CDH19: variants seen among roughly 807,000 people sequenced by gnomAD.
CDH19 encodes the protein cadherin 19.
Under a neutral mutation model 64.2 loss-of-function variants are expected in CDH19, and 67 were observed. That is an observed-to-expected ratio of 1.04 (90% CI 0.86 to 1.28). CDH19 has a LOEUF of 1.28. Ranked by LOEUF, CDH19 falls within the 50% of genes most tolerant of loss-of-function variation. The pLI is 0.00. For synonymous variants in CDH19, 346 were observed against 319.3 expected (o/e 1.08, Z -0.89); for missense variants, 1,030 against 929.0 (o/e 1.11, Z -1.41).
chr18:66,550,307 T>A (rs1188113214), intron 5 of CDH19, among the ~76,000 whole-genome samples: 1 of 152,126 alleles, frequency 6.6e-6, no homozygotes, highest in Non-Finnish European at 1.5e-5. Flanking sequence ...GCTTAAATTA[T>A]TAGAGCAGGT....
chr18:66,556,361 G>T (rs1420355527), intron 3 of CDH19, among the ~76,000 whole-genome samples: 1 of 151,560 alleles, frequency 6.6e-6, no homozygotes, highest in Non-Finnish European at 1.5e-5. Context: ...TTGTACATTA[G>T]ATCTCTAGAT....
intron 5 of CDH19, among the ~76,000 whole-genome samples, 171 bp from the exon 6 acceptor site, chr18:66,545,074 G>A (rs1008348733): frequency 7.2e-5 from 11 of 152,096 alleles, no homozygotes; most frequent in Admixed American, 7.2e-4. Flanking sequence ...TGCCTCCTGG[G>A]TTCATGCCAT....
At chr18:66,564,187 T>C (rs1987822181) in intron 3 of CDH19, among the ~76,000 whole-genome samples, 1 of 151,924 alleles carries the variant, frequency 6.6e-6, no homozygotes, top group African/African-American at 2.4e-5. Context: ...TGACATATTG[T>C]ACCATATTGT....
At chr18:66,567,170 C>T (rs1987941423) in intron 3 of CDH19, among the ~76,000 whole-genome samples, 1 of 151,794 alleles carries the variant, frequency 6.6e-6, no homozygotes, top group Non-Finnish European at 1.5e-5. Context: ...CAGGTAACTC[C>T]TTTATCTCCT....
Position 66,505,060 on chromosome 18 carries a change from C to A in CDH19, c.2071G>T (p.Asp691Tyr), listed in dbSNP as rs533652186. ...LYRQSLQVGP[D>Y]SAIFRKFILE... ...ATGAATTTCCTGAATATGGCACTGT[C>A]GGGGCCAACTTGCAAAGACTGCCTG... The change falls in exon 12 of 12, where the codon GAC becomes TAC. Residue 691 changes from aspartate to tyrosine, a missense_variant. Transcript: ENST00000262150. 3.7e-6 allele frequency: 6 copies of A among 1,613,682 alleles called. No individual in the cohort carries two copies. In the East Asian group the frequency reaches 1.3e-4, roughly 36 times the overall value.
Position 66,502,751 on chromosome 18 carries a change from T to C in CDH19, c.*2061A>G, listed in dbSNP as rs1985000475. 1 of 151,910 alleles carries C rather than the reference T, an allele frequency of 6.6e-6. No homozygotes were observed. Among genetic ancestry groups the C allele is most frequent in the Non-Finnish European group, 1.5e-5 (1 of 67,870 alleles). The allele number at this position is 151,910 out of a possible 1,614,324, so 9.4% of individuals were successfully genotyped here. ...CTCCTTTAAATTTTCTCTTGTTTGG[T>C]ATTTTTCCTCTTTCCTAATAATGGT... On this transcript the variant is annotated 3_prime_UTR_variant, in exon 12 of 12. Coordinates refer to ENST00000262150, the MANE Select transcript of CDH19 (RefSeq NM_021153.4).
At position 66,603,876 on chromosome 18, in the gene CDH19, G is replaced by A. The variant is rs565635769; in HGVS notation, c.-113+78C>T. On this transcript the variant is annotated intron_variant, in intron 1 of 11. Coordinates refer to ENST00000262150, the MANE Select transcript of CDH19 (RefSeq NM_021153.4). ...TAGAATATTTTCCTAGCAACATTTTGTCATGTACTTTTTGACCTATTGACT... is the reference window on the plus strand; with the variant it reads ...TAGAATATTTTCCTAGCAACATTTTATCATGTACTTTTTGACCTATTGACT... 2.0e-5 allele frequency: 3 copies of A among 151,968 alleles called. No individual in the cohort carries two copies. The South Asian group carries it at 6.3e-4, about 32-fold the overall frequency. The allele number at this position is 151,968 out of a possible 1,614,324, so 9.4% of individuals were successfully genotyped here. A position where few individuals can be genotyped will look rare whatever the true frequency, so the allele number is the denominator to read the frequency against.
chr18:66,548,259 A>T (rs796974928), intron 5 of CDH19, among the ~76,000 whole-genome samples: 2,457 of 42,590 alleles, frequency 0.058, 55 homozygotes, highest in African/African-American at 0.15. Flanking sequence ...ATATATATAT[A>T]TATTTTTTTA....
intron 3 of CDH19, among the ~76,000 whole-genome samples, chr18:66,560,349 G>T (rs1987675440): frequency 6.6e-6 from 1 of 151,806 alleles, no homozygotes; most frequent in Non-Finnish European, 1.5e-5. Flanking sequence ...ATTCTGCAAG[G>T]TCAGCTTGAT....
chr18:66,527,352 C>CATATTAT (rs991073030), intron 9 of CDH19, among the ~76,000 whole-genome samples: 1 of 151,858 alleles, frequency 6.6e-6, no homozygotes, highest in Non-Finnish European at 1.5e-5. Flanking sequence ...GAATACTTTT[C>CATATTAT]ATATTATAAT....
intron 5 of CDH19, among the ~76,000 whole-genome samples, chr18:66,546,238 G>T (rs1042906659): frequency 4.6e-5 from 7 of 152,212 alleles, no homozygotes; most frequent in Admixed American, 3.3e-4. Context: ...AGTGGAATAA[G>T]TGTTAATTTT....
chr18:66,571,150 C>A (rs1292355482), intron 2 of CDH19, among the ~76,000 whole-genome samples: 1 of 151,384 alleles, frequency 6.6e-6, no homozygotes, highest in Non-Finnish European at 1.5e-5. Flanking sequence ...TTTGGAAATA[C>A]TTGCCTAAAA....
At chr18:66,548,252 T>TTTA (rs1987207084) in intron 5 of CDH19, among the ~76,000 whole-genome samples, 1 of 88,012 alleles carries the variant, frequency 1.1e-5, no homozygotes, top group African/African-American at 5.5e-5. Flanking sequence ...CCTTTATATA[T>TTTA]ATATATATAT....
chr18:66,549,527 C>G (rs1987260888), intron 5 of CDH19, among the ~76,000 whole-genome samples: 1 of 152,062 alleles, frequency 6.6e-6, no homozygotes, highest in Admixed American at 6.6e-5. Flanking sequence ...TCATATACAT[C>G]ATATGTGACA....
At chr18:66,547,665 T>TAAATGTGTAATATATATGTGTATTATATA (rs1568191355) in intron 5 of CDH19, among the ~76,000 whole-genome samples, 1 of 133,578 alleles carries the variant, frequency 7.5e-6, no homozygotes, top group African/African-American at 2.9e-5. Flanking sequence ...TGTTAGGTTT[T>TAAATGTGTAATATATATGTGTATTATATA]TTTTTTTTTT....
At chr18:66,507,427 A>G (rs951224583) in intron 11 of CDH19, among the ~76,000 whole-genome samples, 15 of 151,958 alleles carry the variant, frequency 9.9e-5, no homozygotes, top group African/African-American at 3.6e-4. Flanking sequence ...TCACTCTTCA[A>G]TGTAGTTTCA....
chr18:66,539,240 T>C (rs1986793580), intron 7 of CDH19, among the ~76,000 whole-genome samples: 1 of 152,182 alleles, frequency 6.6e-6, no homozygotes, highest in Non-Finnish European at 1.5e-5. Context: ...CTATATTATT[T>C]CTCTCCAGCT....
At chr18:66,576,277 CTA>C (rs1988263782) in intron 1 of CDH19, among the ~76,000 whole-genome samples, 2 of 151,134 alleles carry the variant, frequency 1.3e-5, no homozygotes, top group Admixed American at 1.3e-4. Flanking sequence ...AAAGACTCAA[CTA>C]TATGTCTTTA....
Position 66,576,484 on chromosome 18 carries a change from TATC to T in CDH19, c.-112-4171_-112-4169del, listed in dbSNP as rs1449699760. Among the ~76,000 whole-genome samples the T allele has an allele frequency of 1.1e-4, 16 of 151,446 alleles. 1 individual carries two copies. In the South Asian group the frequency reaches 1.2e-3, roughly 12 times the overall value. On this transcript the variant is annotated intron_variant, in intron 1 of 11. Coordinates refer to ENST00000262150, the MANE Select transcript of CDH19 (RefSeq NM_021153.4). The stretch of plus-strand genomic sequence containing the variant: ...ATTTCATAATTATAAGTGATAAACA[TATC>T]ATTTCATAATTATAAATGATAAACA...
Sources: gnomAD v4.1 joint callset for allele counts (sites outside exome capture counted in the v4.1 genomes callset) on GRCh38, gnomAD v4.1.1 for gene constraint, MANE v1.5 for transcripts, NCBI Gene and HGNC (gene_info 2026-07-23, HGNC 2026-07-21) for gene names.